GOT2: variants seen among roughly 807,000 people sequenced by gnomAD.
The protein encoded by GOT2 is glutamic-oxaloacetic transaminase 2.
A neutral mutation model predicts 50.0 loss-of-function variants in GOT2; 17 were observed. The ratio of observed to expected loss-of-function variants is 0.34; its 90% CI spans 0.23 to 0.51. The LOEUF is 0.51. Among genes scored for constraint, GOT2 ranks in the 20% least tolerant of loss-of-function variants. The pLI is 0.97. For missense variants in GOT2, 430 were observed against 559.6 expected (o/e 0.77, Z 2.34); for synonymous variants, 172 against 204.9 (o/e 0.84, Z 1.37).
At chr16:58,724,080 A>G (rs935504822) in intron 1 of GOT2, among the ~76,000 whole-genome samples, 178 bp from the exon 2 acceptor site, 1 of 151,730 alleles carries the variant, frequency 6.6e-6, no homozygotes, top group African/African-American at 2.4e-5. Context: ...CAGCCTCCCA[A>G]GTAGCTGGGA....
Position 58,734,149 on chromosome 16 carries a change from G to A in GOT2, c.80C>T (p.Ala27Val). Residue 27 changes from alanine (A) to valine (V), a missense_variant, in exon 1 of 10, where the codon GCC becomes GTC. Ala to Val is a moderately conservative substitution (Grantham distance 64). Transcript: ENST00000245206. The part of the protein sequence containing the change: ...FHPGLAAAAS[A>V]RASSWWTHVE... ...GTTTCCCTTGGCTTACCTGGCTCTG[G>A]CAGAGGCCGCGGCGGCGAGGCCCGG... The A allele has an allele frequency of 7.5e-7, 1 of 1,333,118 alleles. No individual in the cohort carries two copies. The allele number at this position is 1,333,118 out of a possible 1,614,324, so 82.6% of individuals were successfully genotyped here. A position where few individuals can be genotyped will look rare whatever the true frequency, so the allele number is the denominator to read the frequency against.
At chr16:58,724,367 C>T (rs2044766174) in intron 1 of GOT2, among the ~76,000 whole-genome samples, 2 of 151,520 alleles carry the variant, frequency 1.3e-5, no homozygotes, top group South Asian at 4.2e-4. Flanking sequence ...ACTGCAGTCT[C>T]TGCCTCCAGG....
At chr16:58,725,194 A>G (rs2044774036) in intron 1 of GOT2, among the ~76,000 whole-genome samples, 1 of 151,252 alleles carries the variant, frequency 6.6e-6, no homozygotes, top group Admixed American at 6.6e-5. Flanking sequence ...GGCTCACTGC[A>G]AACTCCGCCT....
intron 1 of GOT2, 106 bp from the exon 2 acceptor site, chr16:58,724,008 C>T (rs2044762508): frequency 2.0e-6 from 2 of 994,336 alleles, no homozygotes; most frequent in African/African-American, 1.6e-5. Context: ...GGCTGGAGTG[C>T]AGTGGTGCTA....
chr16:58,716,585 CACA>C lies in GOT2; in HGVS notation c.853+75_853+77del, dbSNP rs1163377598. ...ACACACACACACACACACACACACA[CACA>C]CCCACAAGCTCTATGCCCTCGTGGC... On this transcript the variant is annotated intron_variant, in intron 7 of 9. Transcript: ENST00000245206. 2.0e-4 allele frequency: 255 copies of C among 1,248,772 alleles called. 1 individual carries two copies. The highest frequency in any genetic ancestry group is 2.8e-4 in the African/African-American group (19 of 67,808). 77.4% of individuals were successfully genotyped at this position (1,248,772 alleles called of 1,614,324 possible).
rs758265732 is a variant in GOT2 at position 58,716,796 on chromosome 16, C to T, written c.720G>A (p.Ala240=). 14 of 1,613,994 alleles carry T rather than the reference C, an allele frequency of 8.7e-6. No individual in the cohort carries two copies. The highest frequency in any genetic ancestry group is 3.3e-5 in the Admixed American group (2 of 59,992). ...AGCCTTGGTAGGCCATGTCAAAGAACGCAAAGAGATTCCTTTTCTGAGAAG... is the reference window on the plus strand; with the variant it reads ...AGCCTTGGTAGGCCATGTCAAAGAATGCAAAGAGATTCCTTTTCTGAGAAG... ...ATVVKKRNLF[A]FFDMAYQGFA... The change falls in exon 7 of 10, where the codon GCG becomes GCA. Residue 240 remains alanine, a synonymous_variant. Coordinates refer to ENST00000245206, the MANE Select transcript of GOT2 (RefSeq NM_002080.4).
chr16:58,730,488 G>A (rs953413323), intron 1 of GOT2, among the ~76,000 whole-genome samples: 12 of 151,854 alleles, frequency 7.9e-5, no homozygotes, highest in Non-Finnish European at 1.8e-4. Flanking sequence ...GGGCTCAAGT[G>A]ATCCTCCCCG....
intron 8 of GOT2, 148 bp from the exon 9 acceptor site, chr16:58,709,715 G>C: frequency 1.7e-6 from 1 of 593,228 alleles, no homozygotes; most frequent in Non-Finnish European, 2.9e-6. Flanking sequence ...ACTGGCCAGG[G>C]AAGAAAGCTA....
intron 1 of GOT2, among the ~76,000 whole-genome samples, chr16:58,732,601 A>G (rs1378072595): frequency 6.6e-6 from 1 of 152,184 alleles, no homozygotes. Flanking sequence ...GTAACAGTGA[A>G]TATAAAGTAG....
At chr16:58,711,047 AC>A (rs1174357803) in intron 8 of GOT2, among the ~76,000 whole-genome samples, 1 of 151,924 alleles carries the variant, frequency 6.6e-6, no homozygotes, top group Admixed American at 6.6e-5. Context: ...TGTGGGTTAA[AC>A]AAAAAAAAAA....
intron 1 of GOT2, among the ~76,000 whole-genome samples, chr16:58,731,181 T>G (rs1244341379): frequency 6.6e-6 from 1 of 152,138 alleles, no homozygotes; most frequent in African/African-American, 2.4e-5. Flanking sequence ...TTGCTCAGGC[T>G]GGAGTGCAGC....
chr16:58,720,954 T>C (rs1246692441), intron 3 of GOT2, among the ~76,000 whole-genome samples: 1 of 152,154 alleles, frequency 6.6e-6, no homozygotes, highest in Non-Finnish European at 1.5e-5. Flanking sequence ...ACTTAGGTTG[T>C]TATTTAGATG....
intron 1 of GOT2, among the ~76,000 whole-genome samples, chr16:58,727,585 C>T (rs2044797685): frequency 6.6e-6 from 1 of 152,092 alleles, no homozygotes; most frequent in African/African-American, 2.4e-5. Context: ...GTAATGCAGG[C>T]TGGGCACTGC....
intron 2 of GOT2, among the ~76,000 whole-genome samples, chr16:58,722,678 T>C (rs773707932): frequency 6.6e-6 from 1 of 152,178 alleles, no homozygotes; most frequent in African/African-American, 2.4e-5. Context: ...CCAAACCTTT[T>C]TTTAAAATTT....
At position 58,716,060 on chromosome 16, in the gene GOT2, G is replaced by A. The variant is rs1406591910; in HGVS notation, c.973C>T (p.Arg325Trp). Residue 325 changes from arginine to tryptophan, a missense_variant, in exon 8 of 10, where the codon CGG becomes TGG. By Grantham distance (101) the Arg-to-Trp change is moderately radical (BLOSUM62 -3). Transcript: ENST00000245206. ...MYSNPPLNGA[R>W]IAAAILNTPD... ...GTGTTCAGAATGGCAGCAGCAATCC[G>A]GGCCCCATTGAGGGGAGGGTTGGAA... 8.1e-6 allele frequency: 13 copies of A among 1,613,502 alleles called. No individual in the cohort carries two copies. Among genetic ancestry groups the A allele is most frequent in the Admixed American group, 3.3e-5 (2 of 59,854 alleles).
At chr16:58,711,195 A>G (rs2044645399) in intron 8 of GOT2, among the ~76,000 whole-genome samples, 1 of 152,158 alleles carries the variant, frequency 6.6e-6, no homozygotes, top group African/African-American at 2.4e-5. Context: ...AAAAGCTTGC[A>G]AGGGGTGCTT....
In GOT2 at chr16:58,718,543, G is replaced by A; in HGVS notation, c.581C>T (p.Ala194Val). Residue 194 changes from alanine to valine, a missense_variant, in exon 5 of 10, where the codon GCT becomes GTT. Physicochemically the swap from Ala to Val is moderately conservative, Grantham distance 64. Coordinates refer to ENST00000245206, the MANE Select transcript of GOT2 (RefSeq NM_002080.4). ...PKTCGFDFTGAVEDISKIPEQ... is the reference protein window; with the variant it reads ...PKTCGFDFTGVVEDISKIPEQ... ...CACACTTACTGAAATATCCTCCACA[G>A]CGCCTGTGAAGTCAAAACCGCAAGT... 6.3e-7 allele frequency: 1 copy of A among 1,586,092 alleles called. No individual in the cohort carries two copies. Among genetic ancestry groups the A allele is most frequent in the South Asian group, 1.2e-5 (1 of 86,348 alleles).
chr16:58,727,729 C>T (rs1282086245), intron 1 of GOT2, among the ~76,000 whole-genome samples: 1 of 152,072 alleles, frequency 6.6e-6, no homozygotes, highest in Non-Finnish European at 1.5e-5. Flanking sequence ...GAAGGCTTCC[C>T]AGAGGACGTG....
chr16:58,714,420 C>T (rs1332484624), intron 8 of GOT2, among the ~76,000 whole-genome samples: 4 of 151,576 alleles, frequency 2.6e-5, no homozygotes, highest in Non-Finnish European at 4.4e-5. Context: ...GGCGTAGTGG[C>T]GGGCGCCTGT....
Sources: gnomAD v4.1 joint callset for allele counts (sites outside exome capture counted in the v4.1 genomes callset) on GRCh38, gnomAD v4.1.1 for gene constraint, MANE v1.5 for transcripts, NCBI Gene and HGNC (gene_info 2026-07-23, HGNC 2026-07-21) for gene names.